Variants in CEP112 observed in about 807,000 individuals in gnomAD.
CEP112 encodes centrosomal protein 112.
Under a neutral mutation model 153.0 loss-of-function variants are expected in CEP112, and 127 were observed. The ratio of observed to expected loss-of-function variants is 0.83; its 90% confidence interval spans 0.72 to 0.96. The LOEUF (loss-of-function observed/expected upper bound fraction) is 0.96. CEP112 is among the 40% of genes least tolerant of loss of function. The pLI, the probability that CEP112 is intolerant of heterozygous loss-of-function variation, is 0.00. For synonymous variants in CEP112, 358 were observed against 374.4 expected, an observed-to-expected ratio of 0.96 and a Z score of 0.51; for missense variants, 1,089 against 1,101.2, an observed-to-expected ratio of 0.99 and a Z score of 0.16.
At chr17:65,846,460 T>C (rs1330302636) in intron 21 of CEP112, among the ~76,000 whole-genome samples, 4 of 152,256 alleles carry the variant, frequency 2.6e-5, no homozygotes, top group African/African-American at 4.8e-5. Flanking sequence ...CCAAAGTATT[T>C]ATAATGATTT....
chr17:65,880,858 G>A (rs1344361782), intron 20 of CEP112, among the ~76,000 whole-genome samples: 2 of 152,108 alleles, frequency 1.3e-5, no homozygotes, highest in Non-Finnish European at 2.9e-5. Flanking sequence ...CCTAATAAAG[G>A]AGCAACACTT....
chr17:65,711,426 A>G (rs1474641714), intron 23 of CEP112, among the ~76,000 whole-genome samples: 1 of 152,234 alleles, frequency 6.6e-6, no homozygotes, highest in Non-Finnish European at 1.5e-5. Context: ...CATGAGGATT[A>G]TTACATAAAA....
At chr17:65,986,347 C>T (rs2063406198) in intron 17 of CEP112, among the ~76,000 whole-genome samples, 1 of 151,986 alleles carries the variant, frequency 6.6e-6, no homozygotes. Context: ...GGAAACAGAA[C>T]CTAAGAAAAA....
At chr17:65,816,391 G>A (rs1338500228) in intron 21 of CEP112, among the ~76,000 whole-genome samples, 2 of 151,828 alleles carry the variant, frequency 1.3e-5, no homozygotes, top group Non-Finnish European at 1.5e-5. Context: ...CCCATCACCT[G>A]AGCAGTATAC....
chr17:66,026,680 C>T (rs1048172138), intron 16 of CEP112, among the ~76,000 whole-genome samples: 1 of 152,160 alleles, frequency 6.6e-6, no homozygotes, highest in African/African-American at 2.4e-5. Flanking sequence ...TGCTCAAGTC[C>T]CTTTTATAAA....
At chr17:66,171,738 T>C (rs1357047293) in intron 4 of CEP112, among the ~76,000 whole-genome samples, 1 of 152,242 alleles carries the variant, frequency 6.6e-6, no homozygotes, top group African/African-American at 2.4e-5. Flanking sequence ...CAAATATCTG[T>C]TAACTAATGT....
chr17:65,965,537 C>A (rs7219957), intron 17 of CEP112, among the ~76,000 whole-genome samples: 3 of 106,242 alleles, frequency 2.8e-5, no homozygotes, highest in African/African-American at 4.3e-5. Flanking sequence ...TTTTTTTTTT[C>A]TTTGAGACAG....
intron 6 of CEP112, among the ~76,000 whole-genome samples, chr17:66,098,226 G>A (rs2068427124): frequency 6.6e-6 from 1 of 152,184 alleles, no homozygotes; most frequent in African/African-American, 2.4e-5. Flanking sequence ...CAATCATCCA[G>A]TAGTGCTGCA....
At chr17:66,004,263 C>T (rs1434846909) in intron 17 of CEP112, among the ~76,000 whole-genome samples, 1 of 151,918 alleles carries the variant, frequency 6.6e-6, no homozygotes, top group Non-Finnish European at 1.5e-5. Context: ...GGGCGGATCA[C>T]GAGGTCAGGA....
At chr17:65,891,047 G>A (rs2059445139) in intron 20 of CEP112, among the ~76,000 whole-genome samples, 1 of 152,132 alleles carries the variant, frequency 6.6e-6, no homozygotes, top group African/African-American at 2.4e-5. Flanking sequence ...TAAGCTTGAG[G>A]GAGAAACCAT....
chr17:65,763,786 T>G (rs887483910), intron 21 of CEP112, among the ~76,000 whole-genome samples: 3 of 152,156 alleles, frequency 2.0e-5, no homozygotes, highest in Admixed American at 1.3e-4. Flanking sequence ...CTGATAATTT[T>G]AAGATCTCTG....
chr17:66,017,093 T>C (rs926551709), intron 16 of CEP112, among the ~76,000 whole-genome samples: 2 of 152,248 alleles, frequency 1.3e-5, no homozygotes, highest in African/African-American at 2.4e-5. Flanking sequence ...TATTACTTCC[T>C]CAGATTGAAT....
At chr17:66,111,522 T>TA (rs1482922854) in intron 6 of CEP112, among the ~76,000 whole-genome samples, 2 of 152,138 alleles carry the variant, frequency 1.3e-5, no homozygotes, top group Non-Finnish European at 2.9e-5. Flanking sequence ...TATGCAGTGA[T>TA]AAAAAAGGAT....
chr17:65,653,500 G>T (rs2045891886), intron 24 of CEP112, among the ~76,000 whole-genome samples: 1 of 152,166 alleles, frequency 6.6e-6, no homozygotes, highest in African/African-American at 2.4e-5. Context: ...TTTGGAGCAT[G>T]GCGTGTACTC....
At chr17:66,022,482 G>T (rs1190806657) in intron 16 of CEP112, among the ~76,000 whole-genome samples, 2 of 152,056 alleles carry the variant, frequency 1.3e-5, no homozygotes, top group African/African-American at 4.8e-5. Context: ...GCTGAGGTGG[G>T]CAGATCACAA....
At chr17:66,114,140 AATAAC>A (rs2069178593) in intron 6 of CEP112, among the ~76,000 whole-genome samples, 1 of 152,252 alleles carries the variant, frequency 6.6e-6, no homozygotes, top group South Asian at 2.1e-4. Flanking sequence ...GGCACGAATA[AATAAC>A]ATGTTTGCAC....
At chr17:66,023,684 T>G (rs1041847331) in intron 16 of CEP112, among the ~76,000 whole-genome samples, 1 of 151,828 alleles carries the variant, frequency 6.6e-6, no homozygotes, top group African/African-American at 2.4e-5. Flanking sequence ...AGAAATTAAA[T>G]AGCAACATGA....
intron 21 of CEP112, among the ~76,000 whole-genome samples, chr17:65,785,506 T>C (rs1204481765): frequency 6.6e-6 from 1 of 152,234 alleles, no homozygotes; most frequent in Non-Finnish European, 1.5e-5. Flanking sequence ...ACATCCAGTC[T>C]AATGGGTATG....
intron 12 of CEP112, among the ~76,000 whole-genome samples, chr17:66,046,074 G>A (rs1208377976): frequency 1.3e-5 from 2 of 150,686 alleles, no homozygotes; most frequent in South Asian, 2.1e-4. Context: ...AGAGAGTCTC[G>A]CTCTGTCGCC....
Sources: allele counts gnomAD v4.1 joint callset (sites outside exome capture counted in the v4.1 genomes callset), GRCh38; gene constraint gnomAD v4.1.1; transcripts MANE v1.5; gene names NCBI Gene and HGNC (gene_info 2026-07-23, HGNC 2026-07-21).